CARD14: variants seen among roughly 807,000 people sequenced by gnomAD.
CARD14 encodes caspase recruitment domain-containing protein 14.
CARD14 carries 107 observed loss-of-function variants against 111.5 expected under a neutral mutation model. The ratio of observed to expected loss-of-function variants is 0.96; its 90% CI spans 0.82 to 1.13. CARD14 has a LOEUF of 1.13. Ranked by LOEUF, CARD14 falls within the 50% of genes most tolerant of loss-of-function variation. The probability of loss-of-function intolerance (pLI) is 0.00; values close to 1 mark genes in which losing one functional copy is unlikely to be tolerated. For missense variants in CARD14, 1,322 were observed against 1,362.3 expected (o/e 0.97, Z 0.47); for synonymous variants, 617 against 579.6 (o/e 1.06, Z -0.93).
At chr17:80,194,971 T>C (rs143440839) in intron 12 of CARD14, among the ~76,000 whole-genome samples, 1,562 of 152,316 alleles carry the variant, frequency 0.01, 16 homozygotes, top group South Asian at 0.045. Context: ...GAGCCTGACA[T>C]ACAGCATGTG....
chr17:80,206,779 AAT>A, intron 22 of CARD14, 189 bp from the exon 23 acceptor site: 1 of 408,904 alleles, frequency 2.4e-6, no homozygotes, highest in East Asian at 3.7e-5. Context: ...AAAAATAAAA[AAT>A]AAAAATAAAA....
chr17:80,179,826 T>C (rs773140929), intron 4 of CARD14, among the ~76,000 whole-genome samples: 35 of 152,034 alleles, frequency 2.3e-4, no homozygotes, highest in Non-Finnish European at 4.9e-4. Flanking sequence ...AGTGAGACCC[T>C]ACCTCAAAAA....
At chr17:80,191,126 A>C (rs2040512936) in intron 10 of CARD14, among the ~76,000 whole-genome samples, 197 bp from the exon 11 acceptor site, 1 of 152,238 alleles carries the variant, frequency 6.6e-6, no homozygotes, top group Non-Finnish European at 1.5e-5. Context: ...ACACTGAGAA[A>C]GTACACCCCA....
In CARD14 at chr17:80,189,895, CT is replaced by C. The variant is rs1450853716; in HGVS notation, c.963+25del. Reference sequence around the variant, plus strand: ...CAGGTGCCGTGTGAGCCCTTCCTCCCTTGTGACTCTCCTGGGGCTTGTCTCA... The same window carrying C: ...CAGGTGCCGTGTGAGCCCTTCCTCCCTGTGACTCTCCTGGGGCTTGTCTCA... On this transcript the variant is annotated intron_variant, in intron 9 of 23. Coordinates refer to ENST00000648509, the MANE Select transcript of CARD14 (RefSeq NM_001366385.1). This position sits in a 1 kb window ranked among gnomAD's most constrained non-coding sequence, Gnocchi z 4.7. 3 of 1,589,058 alleles carry C rather than the reference CT, an allele frequency of 1.9e-6. No homozygotes were observed. In the African/African-American group the frequency reaches 4.1e-5, roughly 22 times the overall value.
chr17:80,181,696 C>T, intron 5 of CARD14, 47 bp downstream of exon 5: 1 of 1,474,648 alleles, frequency 6.8e-7, no homozygotes, highest in Non-Finnish European at 9.1e-7. Context: ...TCCCGTGGCC[C>T]ACATGGCTCC....
At chr17:80,204,197 C>T (rs1320366080) in intron 19 of CARD14, 30 bp from the exon 20 acceptor site, 1 of 1,559,468 alleles carries the variant, frequency 6.4e-7, no homozygotes, top group Non-Finnish European at 8.7e-7. Flanking sequence ...TCAACAGCTC[C>T]TCCTCATCCT....
At chr17:80,205,351 T>A in intron 21 of CARD14, 146 bp downstream of exon 21, 2 of 1,163,542 alleles carry the variant, frequency 1.7e-6, no homozygotes, top group Non-Finnish European at 2.4e-6. Flanking sequence ...TCCAGATAGT[T>A]CAGGATGGAG....
intron 18 of CARD14, 90 bp downstream of exon 18, chr17:80,202,510 C>T: frequency 1.3e-6 from 2 of 1,537,314 alleles, no homozygotes; most frequent in Non-Finnish European, 1.7e-6. Context: ...TCCTGCCCAG[C>T]AATAGAGGGT....
In CARD14 at chr17:80,203,618, C is replaced by G; in HGVS notation, c.2220-204C>G. On this transcript the variant is annotated intron_variant, in intron 18 of 23. Coordinates refer to ENST00000648509, the MANE Select transcript of CARD14 (RefSeq NM_001366385.1). This position sits in a 1 kb window ranked among gnomAD's most constrained non-coding sequence, Gnocchi z 4.6. ...AGCATCTCCAGGGGTGGGCCGAGGC[C>G]CTGGAGTCTTTTGAAAGCTCTGGAG... 1 of 520,046 alleles carries G rather than the reference C, an allele frequency of 1.9e-6. No homozygotes were observed. The highest frequency in any genetic ancestry group is 3.4e-6 in the Non-Finnish European group (1 of 293,554). The allele number at this position is 520,046 out of a possible 1,614,324, so 32.2% of individuals were successfully genotyped here.
chr17:80,183,892 C>T (rs747811858), intron 6 of CARD14, 21 bp from the exon 7 acceptor site: 4 of 1,462,948 alleles, frequency 2.7e-6, no homozygotes, highest in East Asian at 4.8e-5. Context: ...CTCACTTGCT[C>T]ACCTGCCCAT....
intron 12 of CARD14, among the ~76,000 whole-genome samples, chr17:80,193,055 G>T (rs1269357509): frequency 2.6e-5 from 4 of 152,134 alleles, no homozygotes; most frequent in African/African-American, 9.7e-5. Context: ...TGGCCCTATT[G>T]CGAGAGTTTT....
intron 4 of CARD14, among the ~76,000 whole-genome samples, 175 bp downstream of exon 4, chr17:80,179,476 G>C (rs1227012264): frequency 6.6e-6 from 1 of 152,214 alleles, no homozygotes; most frequent in Non-Finnish European, 1.5e-5. Flanking sequence ...ATGTAAAGCT[G>C]CTGTCTGCAC....
At chr17:80,199,384 T>C (rs1438942907) in intron 16 of CARD14, among the ~76,000 whole-genome samples, 1 of 150,956 alleles carries the variant, frequency 6.6e-6, no homozygotes, top group Non-Finnish European at 1.5e-5. Context: ...GGGGGTGACT[T>C]TGATGTGGCC....
intron 7 of CARD14, chr17:80,187,916 G>C (rs374433439): frequency 1.7e-5 from 17 of 985,774 alleles, no homozygotes; most frequent in Non-Finnish European, 2.0e-5. Flanking sequence ...CCGGTCCCGC[G>C]TTCCCAGGCA....
intron 2 of CARD14, among the ~76,000 whole-genome samples, chr17:80,175,289 A>G (rs911391213): frequency 1.3e-4 from 20 of 151,920 alleles, no homozygotes; most frequent in African/African-American, 3.6e-4. Flanking sequence ...GCTATTTTTC[A>G]GTTTGTGGCA....
intron 11 of CARD14, 125 bp from the exon 12 acceptor site, chr17:80,192,378 G>A (rs1322154562): frequency 3.1e-6 from 2 of 655,028 alleles, no homozygotes; most frequent in African/African-American, 3.7e-5. Flanking sequence ...TGTTTTCCCT[G>A]GAAGCTGACG....
intron 6 of CARD14, 78 bp from the exon 7 acceptor site, chr17:80,183,835 C>T: frequency 8.1e-7 from 1 of 1,235,090 alleles, no homozygotes; most frequent in South Asian, 1.7e-5. Flanking sequence ...TGCCCACCTG[C>T]TCACCTGCTC....
At position 80,204,266 on chromosome 17, in the gene CARD14, A is replaced by T. The variant is rs2041152147; in HGVS notation, c.2323A>T (p.Ser775Cys). ...GGPQKLVRIV[S>C]MDKAKASPLR... ...ACCACAGAAGCTGGTCCGCATCGTCAGTATGGACAAAGCCAAGGCCAGCCC... is the reference window on the plus strand; with the variant it reads ...ACCACAGAAGCTGGTCCGCATCGTCTGTATGGACAAAGCCAAGGCCAGCCC... Residue 775 changes from serine (S) to cysteine (C), a missense_variant, in exon 20 of 24, where the codon AGT becomes TGT. Physicochemically the swap from Ser to Cys is moderately radical, Grantham distance 112 (BLOSUM62 -1). Transcript: ENST00000648509. The T allele has an allele frequency of 6.3e-7, 1 of 1,599,456 alleles. No homozygotes were observed. The highest frequency in any genetic ancestry group is 8.6e-7 in the Non-Finnish European group (1 of 1,168,880).
chr17:80,183,745 C>G (rs534467309), intron 6 of CARD14, among the ~76,000 whole-genome samples, 168 bp from the exon 7 acceptor site: 1 of 151,466 alleles, frequency 6.6e-6, no homozygotes, highest in South Asian at 2.1e-4. Flanking sequence ...CATGCCCACC[C>G]GCCCACATGC....
Sources: allele counts gnomAD v4.1 joint callset (sites outside exome capture counted in the v4.1 genomes callset), GRCh38; gene constraint gnomAD v4.1.1; non-coding constraint Gnocchi (gnomAD v3.1); transcripts MANE v1.5; gene names NCBI Gene and HGNC (gene_info 2026-07-23, HGNC 2026-07-21).